PC: variants seen among roughly 807,000 people sequenced by gnomAD.
The protein encoded by PC is pyruvate carboxylase, mitochondrial.
Under a neutral mutation model 107.8 loss-of-function variants are expected in PC, and 46 were observed. The ratio of observed to expected loss-of-function variants is 0.43; its 90% CI spans 0.34 to 0.55. PC has a LOEUF of 0.55. PC is among the 20% of genes least tolerant of loss of function. The probability of loss-of-function intolerance (pLI) is 0.04; values close to 1 mark genes in which losing one functional copy is unlikely to be tolerated. For missense variants in PC, 1,241 were observed against 1,643.1 expected, an observed-to-expected ratio of 0.76 and a Z score of 4.23; for synonymous variants, 662 against 684.7, an observed-to-expected ratio of 0.97 and a Z score of 0.52.
chr11:66,851,699 G>T, intron 16 of PC, 91 bp downstream of exon 16: 1 of 1,345,874 alleles, frequency 7.4e-7, no homozygotes, highest in Non-Finnish European at 1.1e-6. Flanking sequence ...TTGGTGTCAG[G>T]CTGACCGTGG....
chr11:66,880,413 G>A (rs1048484111), intron 3 of PC, among the ~76,000 whole-genome samples: 2 of 152,208 alleles, frequency 1.3e-5, no homozygotes, highest in African/African-American at 2.4e-5. Flanking sequence ...GGGAGCAGGG[G>A]CCTCTGCACA....
chr11:66,914,484 C>A (rs771465605), intron 3 of PC, among the ~76,000 whole-genome samples: 1 of 149,492 alleles, frequency 6.7e-6, no homozygotes, highest in Non-Finnish European at 1.5e-5. Flanking sequence ...GCACTCCAGT[C>A]TGGGCAACAA....
rs572092134 is a variant in PC at position 66,906,343 on chromosome 11, C to T, written c.1-34184G>A. On this transcript the variant is annotated intron_variant, in intron 3 of 22. Transcript: ENST00000393960. Reference sequence around the variant, plus strand: ...TGACATTTCATTCCAGCCAGGAAACCAAGCACACAAACAAGACCAAAGATC... The same window carrying T: ...TGACATTTCATTCCAGCCAGGAAACTAAGCACACAAACAAGACCAAAGATC... Among the ~76,000 whole-genome samples the T allele has an allele frequency of 1.4e-4, 21 of 152,202 alleles. No homozygotes were observed. The East Asian group carries it at 3.7e-3, about 27-fold the overall frequency.
intron 2 of PC, among the ~76,000 whole-genome samples, chr11:66,953,630 G>T (rs186717316): frequency 1.8e-3 from 277 of 152,312 alleles, no homozygotes; most frequent in African/African-American, 6.3e-3. Context: ...TAACGTCAAG[G>T]CTGAAATTCA....
chr11:66,938,598 T>C (rs1949052728), intron 3 of PC, among the ~76,000 whole-genome samples: 2 of 152,194 alleles, frequency 1.3e-5, no homozygotes, highest in African/African-American at 4.8e-5. Flanking sequence ...AAAAAAATAC[T>C]ATATAGAAAA....
chr11:66,853,842 T>A (rs533928289), intron 12 of PC, among the ~76,000 whole-genome samples: 1 of 152,350 alleles, frequency 6.6e-6, no homozygotes, highest in South Asian at 2.1e-4. Flanking sequence ...CCAAGCCATC[T>A]TGCTCTCCTG....
chr11:66,851,584 G>A (rs1945493500), intron 16 of PC, among the ~76,000 whole-genome samples: 1 of 152,202 alleles, frequency 6.6e-6, no homozygotes, highest in Non-Finnish European at 1.5e-5. Context: ...CACTGCCCCA[G>A]GAGTGAGGGA....
intron 3 of PC, among the ~76,000 whole-genome samples, chr11:66,894,956 A>G (rs1007649789): frequency 3.9e-5 from 6 of 151,924 alleles, no homozygotes; most frequent in Non-Finnish European, 5.9e-5. Flanking sequence ...CAGGAGGCGG[A>G]AGCTGAAGTG....
chr11:66,951,964 C>T (rs1481663195), intron 3 of PC, among the ~76,000 whole-genome samples: 1 of 152,014 alleles, frequency 6.6e-6, no homozygotes, highest in Non-Finnish European at 1.5e-5. Context: ...GGAAGAAGGG[C>T]AGGTCCCTTT....
chr11:66,859,426 C>T (rs1271902320), intron 12 of PC, among the ~76,000 whole-genome samples: 1 of 152,218 alleles, frequency 6.6e-6, no homozygotes, highest in Non-Finnish European at 1.5e-5. Context: ...GCCATCCCCC[C>T]ACCCCATTCC....
Position 66,852,338 on chromosome 11 carries a change from G to T in PC, c.1825+101C>A. 1.0e-6 allele frequency: 1 copy of T among 992,416 alleles called. No homozygotes were observed. The highest frequency in any genetic ancestry group is 1.6e-5 in the African/African-American group (1 of 63,114). 61.5% of individuals were successfully genotyped at this position (992,416 alleles called of 1,614,324 possible). On this transcript the variant is annotated intron_variant, in intron 15 of 22. Coordinates refer to ENST00000393960, the MANE Select transcript of PC (RefSeq NM_001040716.2). The surrounding 1 kb of genome is among the most constrained non-coding windows in gnomAD (Gnocchi z 4.7). ...CGGTCCTTCCTCTTTGGTGTTCTTC[G>T]TGTCAGCGTCTCTAGCTTGTCCCCA...
intron 3 of PC, among the ~76,000 whole-genome samples, chr11:66,938,986 T>C (rs1261894371): frequency 3.3e-5 from 5 of 152,222 alleles, no homozygotes; most frequent in Non-Finnish European, 1.5e-5. Flanking sequence ...AGGTTTCATC[T>C]TCTCTGCACC....
At chr11:66,882,596 C>T (rs1176679863) in intron 3 of PC, among the ~76,000 whole-genome samples, 1 of 152,246 alleles carries the variant, frequency 6.6e-6, no homozygotes, top group Non-Finnish European at 1.5e-5. Context: ...CTCCACACAC[C>T]TACTTCCTAT....
intron 3 of PC, among the ~76,000 whole-genome samples, chr11:66,924,014 C>A (rs2136097680): frequency 6.6e-6 from 1 of 151,410 alleles, no homozygotes; most frequent in South Asian, 2.1e-4. Context: ...ACAAGCCTGG[C>A]CAACATGGCA....
chr11:66,891,087 C>T (rs959105565), intron 3 of PC, among the ~76,000 whole-genome samples: 6 of 151,960 alleles, frequency 3.9e-5, no homozygotes, highest in African/African-American at 7.3e-5. Context: ...TTCAGAGTCT[C>T]GCTCTGTCGC....
chr11:66,849,736 G>A lies in PC; in HGVS notation c.3022C>T (p.Leu1008Phe). 1 of 1,614,232 alleles carries A rather than the reference G, an allele frequency of 6.2e-7. No individual in the cohort carries two copies. The highest frequency in any genetic ancestry group is 1.6e-4 in the Middle Eastern group (1 of 6,062). ...HGEEVTPEDV[L>F]SAAMYPDVFA... is the part of the protein sequence containing the mutation. ...ACATCGGGGTACATAGCTGCTGAGA[G>A]CACATCTTCCGGCGTCACCTCCTCC... Residue 1008 changes from leucine (L) to phenylalanine (F), a missense_variant, in exon 21 of 23, where the codon CTC becomes TTC. Leu to Phe is a conservative substitution (Grantham distance 22, BLOSUM62 0). Coordinates refer to ENST00000393960, the MANE Select transcript of PC (RefSeq NM_001040716.2).
chr11:66,944,894 G>A lies in PC; in HGVS notation c.-1+7536C>T, dbSNP rs1409117071. ...AACCAGGTCCACTCACCACCTACAAGCTTCCTGGGGCCATACCCAGTGACC... is the reference window on the plus strand; with the variant it reads ...AACCAGGTCCACTCACCACCTACAAACTTCCTGGGGCCATACCCAGTGACC... On this transcript the variant is annotated intron_variant, in intron 3 of 22. Transcript: ENST00000393960. 1.7e-5 allele frequency among the ~76,000 whole-genome samples: 2 copies of A among 117,180 alleles called. 1 individual carries two copies. The highest frequency in any genetic ancestry group is 5.3e-4 in the East Asian group (2 of 3,772). 76.9% of individuals were successfully genotyped at this position (117,180 alleles called of 152,430 possible). A position where few individuals can be genotyped will look rare whatever the true frequency, so the allele number is the denominator to read the frequency against.
In PC at chr11:66,863,754, C is replaced by T. The variant is rs749253680; in HGVS notation, c.1368+20G>A. On this transcript the variant is annotated intron_variant, in intron 12 of 22. Coordinates refer to ENST00000393960, the MANE Select transcript of PC (RefSeq NM_001040716.2). Reference sequence around the variant, plus strand: ...TCCAAGGGCCGGGAGCAAAGGCAGGCGGGGGCTGCAGCCTCTCACCTTCAC... The same window carrying T: ...TCCAAGGGCCGGGAGCAAAGGCAGGTGGGGGCTGCAGCCTCTCACCTTCAC... 65 of 1,596,956 alleles carry T rather than the reference C, an allele frequency of 4.1e-5. No homozygotes were observed. Among genetic ancestry groups the T allele is most frequent in the South Asian group, 1.0e-4 (9 of 89,948 alleles).
chr11:66,853,633 T>C (rs1945638547), intron 12 of PC, among the ~76,000 whole-genome samples: 1 of 152,168 alleles, frequency 6.6e-6, no homozygotes, highest in African/African-American at 2.4e-5. Context: ...AAGGCCACCC[T>C]TCCTGCCTCC....
Sources: allele counts gnomAD v4.1 joint callset (sites outside exome capture counted in the v4.1 genomes callset), GRCh38; gene constraint gnomAD v4.1.1; non-coding constraint Gnocchi (gnomAD v3.1); transcripts MANE v1.5; gene names NCBI Gene and HGNC (gene_info 2026-07-23, HGNC 2026-07-21).